Variants in LRRTM4 observed in about 807,000 individuals in gnomAD.
LRRTM4 encodes the protein leucine-rich repeat transmembrane neuronal protein 4.
LRRTM4 carries 25 observed loss-of-function variants against 47.6 expected under a neutral mutation model. The ratio of observed to expected loss-of-function variants is 0.53; its 90% confidence interval spans 0.38 to 0.73. The LOEUF (loss-of-function observed/expected upper bound fraction) is 0.73, where lower values mean the gene tolerates loss of function less well. LRRTM4 is among the 30% of genes least tolerant of loss of function. The pLI, the probability that LRRTM4 is intolerant of heterozygous loss-of-function variation, is 0.00. For missense variants in LRRTM4, 638 were observed against 713.4 expected, an observed-to-expected ratio of 0.89 and a Z score of 1.20; for synonymous variants, 311 against 269.5, an observed-to-expected ratio of 1.15 and a Z score of -1.51.
At chr2:77,224,829 A>G (rs989634837) in intron 3 of LRRTM4, among the ~76,000 whole-genome samples, 1 of 152,172 alleles carries the variant, frequency 6.6e-6, no homozygotes, top group South Asian at 2.1e-4. Flanking sequence ...ATCTAGAACT[A>G]GAAATACCAT....
intron 3 of LRRTM4, among the ~76,000 whole-genome samples, chr2:77,064,060 A>C (rs1033969151): frequency 2.6e-5 from 4 of 152,174 alleles, no homozygotes; most frequent in Non-Finnish European, 5.9e-5. Context: ...AAATTCTTAT[A>C]AGTTGTTCCT....
intron 3 of LRRTM4, among the ~76,000 whole-genome samples, chr2:76,797,135 A>T (rs1010187215): frequency 2.0e-5 from 3 of 152,082 alleles, no homozygotes; most frequent in African/African-American, 7.2e-5. Flanking sequence ...ATACTCCTCG[A>T]GAAGAGCTAC....
At chr2:77,327,325 T>C (rs906590931) in intron 3 of LRRTM4, among the ~76,000 whole-genome samples, 4 of 152,222 alleles carry the variant, frequency 2.6e-5, no homozygotes, top group African/African-American at 9.7e-5. Context: ...TATGTTTATA[T>C]ATAATTTTGA....
chr2:77,241,601 AG>A (rs200091824), intron 3 of LRRTM4, among the ~76,000 whole-genome samples: 3,027 of 152,098 alleles, frequency 0.02, 59 homozygotes, highest in Non-Finnish European at 0.023. Flanking sequence ...AATAGAGATT[AG>A]GTATGGAATG....
At chr2:76,958,875 C>G (rs1449885944) in intron 3 of LRRTM4, among the ~76,000 whole-genome samples, 1 of 151,660 alleles carries the variant, frequency 6.6e-6, no homozygotes, top group Non-Finnish European at 1.5e-5. Context: ...CAACCTCAAA[C>G]ACCACCACCC....
intron 3 of LRRTM4, among the ~76,000 whole-genome samples, chr2:77,488,763 A>G (rs1346937378): frequency 6.6e-6 from 1 of 152,106 alleles, no homozygotes; most frequent in African/African-American, 2.4e-5. Flanking sequence ...CACTCACTTA[A>G]TGTCTTGACC....
At chr2:77,392,934 G>A (rs576598794) in intron 3 of LRRTM4, among the ~76,000 whole-genome samples, 232 of 151,996 alleles carry the variant, frequency 1.5e-3, no homozygotes, top group Non-Finnish European at 2.7e-3. Flanking sequence ...GTTAGCTTTA[G>A]CCATTAGACA....
At chr2:77,277,986 T>C (rs6547141) in intron 3 of LRRTM4, among the ~76,000 whole-genome samples, 25,843 of 151,828 alleles carry the variant, frequency 0.17, 5,049 homozygotes, top group African/African-American at 0.48. Context: ...CTCTGTCTCT[T>C]TCTCTCTCTT....
At chr2:77,064,812 G>T (rs975475479) in intron 3 of LRRTM4, among the ~76,000 whole-genome samples, 4 of 152,038 alleles carry the variant, frequency 2.6e-5, no homozygotes, top group African/African-American at 9.7e-5. Context: ...TATGCTATCT[G>T]GGCCGTGCTT....
intron 3 of LRRTM4, among the ~76,000 whole-genome samples, chr2:77,430,230 A>T (rs569920992): frequency 2.0e-5 from 3 of 152,246 alleles, no homozygotes; most frequent in African/African-American, 7.2e-5. Flanking sequence ...CAATGTATAC[A>T]TACTTTAAAA....
chr2:76,978,264 A>G (rs986402788), intron 3 of LRRTM4, among the ~76,000 whole-genome samples: 1 of 152,022 alleles, frequency 6.6e-6, no homozygotes, highest in Admixed American at 6.6e-5. Context: ...GAAAATTAAT[A>G]CCTTGCTAAG....
chr2:77,310,326 A>T (rs1412523510), intron 3 of LRRTM4, among the ~76,000 whole-genome samples: 2 of 151,898 alleles, frequency 1.3e-5, no homozygotes, highest in Non-Finnish European at 2.9e-5. Flanking sequence ...ATACACACAC[A>T]TACATATATA....
chr2:77,353,087 A>C (rs946119567), intron 3 of LRRTM4, among the ~76,000 whole-genome samples: 2 of 152,140 alleles, frequency 1.3e-5, no homozygotes, highest in Admixed American at 6.5e-5. Context: ...ACTATTATTT[A>C]AAATGCTTTT....
chr2:77,035,790 T>C (rs1185941025), intron 3 of LRRTM4, among the ~76,000 whole-genome samples: 4 of 151,762 alleles, frequency 2.6e-5, no homozygotes, highest in Non-Finnish European at 5.9e-5. Flanking sequence ...TTGGAGAGCA[T>C]GTGAGTTGAT....
intron 3 of LRRTM4, among the ~76,000 whole-genome samples, chr2:76,970,425 C>T (rs1676178449): frequency 6.6e-6 from 1 of 151,806 alleles, no homozygotes; most frequent in South Asian, 2.1e-4. Flanking sequence ...GGTTTCTTTC[C>T]TATTAAAGTG....
chr2:76,903,360 C>T (rs1673709030), intron 3 of LRRTM4, among the ~76,000 whole-genome samples: 1 of 152,014 alleles, frequency 6.6e-6, no homozygotes, highest in Non-Finnish European at 1.5e-5. Context: ...TATGGTGAAA[C>T]CCCATCTCTA....
At chr2:77,342,816 G>T (rs1357304287) in intron 3 of LRRTM4, among the ~76,000 whole-genome samples, 1 of 149,506 alleles carries the variant, frequency 6.7e-6, no homozygotes, top group Admixed American at 6.8e-5. Flanking sequence ...CGGCTACTCT[G>T]TAAATACATC....
At chr2:77,413,882 C>T (rs1674537154) in intron 3 of LRRTM4, among the ~76,000 whole-genome samples, 1 of 151,716 alleles carries the variant, frequency 6.6e-6, no homozygotes, top group Non-Finnish European at 1.5e-5. Flanking sequence ...CCCCATATAT[C>T]CATATGTTAA....
chr2:77,224,001 C>T (rs886803026), intron 3 of LRRTM4, among the ~76,000 whole-genome samples: 11 of 151,722 alleles, frequency 7.3e-5, no homozygotes, highest in African/African-American at 2.4e-4. Context: ...GGTACTGGTA[C>T]CAAAACAGAG....
Sources: gnomAD v4.1 joint callset for allele counts (sites outside exome capture counted in the v4.1 genomes callset) on GRCh38, gnomAD v4.1.1 for gene constraint, MANE v1.5 for transcripts, NCBI Gene and HGNC (gene_info 2026-07-23, HGNC 2026-07-21) for gene names.